NRG1: variants seen among roughly 807,000 people sequenced by gnomAD.
The protein encoded by NRG1 is pro-neuregulin-1, membrane-bound isoform.
In NRG1, 18 loss-of-function variants were observed where a neutral mutation model predicts 63.8. That is an observed-to-expected ratio of 0.28 (90% CI 0.19 to 0.42). NRG1 has a LOEUF of 0.42. NRG1 is among the 10% of genes least tolerant of loss of function. The pLI is 1.00. For synonymous variants in NRG1, 302 were observed against 301.3 expected (o/e 1.00, Z -0.02); for missense variants, 762 against 814.7 (o/e 0.94, Z 0.79).
chr8:32,348,727 G>C (rs1805223287), intron 1 of NRG1, among the ~76,000 whole-genome samples: 1 of 152,132 alleles, frequency 6.6e-6, no homozygotes, highest in South Asian at 2.1e-4. Flanking sequence ...TGTTAATCTA[G>C]ACTAAGACAC....
chr8:31,935,986 G>A (rs577227065), intron 1 of NRG1, among the ~76,000 whole-genome samples: 1 of 152,214 alleles, frequency 6.6e-6, no homozygotes, highest in South Asian at 2.1e-4. Flanking sequence ...ATAGCAGATA[G>A]GAGTAAGTGA....
intron 1 of NRG1, among the ~76,000 whole-genome samples, chr8:32,437,436 G>A (rs1818932706): frequency 6.6e-6 from 1 of 152,134 alleles, no homozygotes; most frequent in South Asian, 2.1e-4. Flanking sequence ...GAAAGGATAG[G>A]TCATGTTTAC....
At chr8:32,094,991 A>C (rs1376510208) in intron 1 of NRG1, among the ~76,000 whole-genome samples, 1 of 149,582 alleles carries the variant, frequency 6.7e-6, no homozygotes, top group African/African-American at 2.5e-5. Context: ...GGCTCACTGC[A>C]ACCTCTGTCT....
intron 1 of NRG1, among the ~76,000 whole-genome samples, chr8:31,870,288 T>C (rs1450436493): frequency 6.6e-6 from 1 of 152,042 alleles, no homozygotes; most frequent in African/African-American, 2.4e-5. Flanking sequence ...TAGAGATGGG[T>C]TAACATAATC....
chr8:31,913,083 G>T (rs1833080119), intron 1 of NRG1, among the ~76,000 whole-genome samples: 1 of 152,050 alleles, frequency 6.6e-6, no homozygotes, highest in Non-Finnish European at 1.5e-5. Context: ...CTCCTCTTTT[G>T]CTAATTGGGC....
chr8:31,998,481 G>A (rs1368101718), intron 1 of NRG1, among the ~76,000 whole-genome samples: 1 of 152,030 alleles, frequency 6.6e-6, no homozygotes, highest in Non-Finnish European at 1.5e-5. Context: ...TTTAATAAAA[G>A]TAGTAACATT....
chr8:32,773,484 G>A (rs1831925684), intron 7 of NRG1, among the ~76,000 whole-genome samples: 1 of 152,144 alleles, frequency 6.6e-6, no homozygotes, highest in Admixed American at 6.6e-5. Context: ...TCTGGTTAGT[G>A]GAGCCACATT....
Position 31,860,384 on chromosome 8 carries a change from G to A in NRG1, c.37+220953G>A, listed in dbSNP as rs560967548. 2.0e-4 allele frequency among the ~76,000 whole-genome samples: 31 copies of A among 152,274 alleles called. No individual in the cohort carries two copies. In the South Asian group the frequency reaches 3.7e-3, roughly 18 times the overall value. On this transcript the variant is annotated intron_variant, in intron 1 of 10. Coordinates refer to the NRG1 transcript ENST00000519301. Reference sequence around the variant, plus strand: ...CAGTTTTGTGCAGCAAAATAGTTCCGTGGAGCAGAATTAGATCATGAAAAT... The same window carrying A: ...CAGTTTTGTGCAGCAAAATAGTTCCATGGAGCAGAATTAGATCATGAAAAT...
intron 1 of NRG1, among the ~76,000 whole-genome samples, chr8:31,686,569 A>C (rs549646669): frequency 6.6e-6 from 1 of 152,228 alleles, no homozygotes; most frequent in South Asian, 2.1e-4. Flanking sequence ...GACACTTTTA[A>C]GTTTTGCTGT....
chr8:32,451,375 C>T (rs975147064), intron 1 of NRG1, among the ~76,000 whole-genome samples: 13 of 152,184 alleles, frequency 8.5e-5, no homozygotes, highest in African/African-American at 3.1e-4. Flanking sequence ...ACTATTGCCT[C>T]CTGGCAAAAC....
chr8:31,886,109 A>C (rs1415538384), intron 1 of NRG1, among the ~76,000 whole-genome samples: 1 of 152,160 alleles, frequency 6.6e-6, no homozygotes, highest in Non-Finnish European at 1.5e-5. Context: ...GATATTAAAA[A>C]TTAATCCCTT....
At chr8:31,927,439 C>CTTT (rs71539998) in intron 1 of NRG1, among the ~76,000 whole-genome samples, 16 of 68,070 alleles carry the variant, frequency 2.4e-4, no homozygotes, top group African/African-American at 9.3e-4. Context: ...GAGAAAACTA[C>CTTT]TTTTTTTTTT....
chr8:32,075,045 G>A (rs1253885565), intron 1 of NRG1, among the ~76,000 whole-genome samples: 2 of 152,204 alleles, frequency 1.3e-5, no homozygotes, highest in African/African-American at 4.8e-5. Flanking sequence ...AATGTTAATA[G>A]CAGCTTACCT....
At chr8:32,152,440 C>G (rs539648796) in intron 1 of NRG1, among the ~76,000 whole-genome samples, 1 of 152,284 alleles carries the variant, frequency 6.6e-6, no homozygotes, top group Non-Finnish European at 1.5e-5. Flanking sequence ...TGGTTTTAGT[C>G]ATCTGTAAGT....
intron 1 of NRG1, among the ~76,000 whole-genome samples, chr8:32,169,687 G>T (rs1468573960): frequency 6.6e-6 from 1 of 152,052 alleles, no homozygotes; most frequent in Non-Finnish European, 1.5e-5. Context: ...TCCAAAGTTG[G>T]AACTAAGAAT....
chr8:32,710,499 T>G (rs1297222897), intron 5 of NRG1, among the ~76,000 whole-genome samples: 1 of 152,202 alleles, frequency 6.6e-6, no homozygotes, highest in Non-Finnish European at 1.5e-5. Flanking sequence ...TGTTTATAAC[T>G]CAGCATATTT....
At chr8:32,307,956 G>T (rs1856403349) in intron 1 of NRG1, among the ~76,000 whole-genome samples, 1 of 152,154 alleles carries the variant, frequency 6.6e-6, no homozygotes, top group African/African-American at 2.4e-5. Context: ...TTCATAGATA[G>T]ATGAGGGTTA....
intron 1 of NRG1, among the ~76,000 whole-genome samples, chr8:32,115,138 C>G (rs558277286): frequency 1.3e-5 from 2 of 151,966 alleles, no homozygotes; most frequent in East Asian, 3.9e-4. Context: ...TAAAGAGATT[C>G]TCCTGCCTCA....
chr8:32,618,001 G>C (rs1847687435), intron 5 of NRG1, among the ~76,000 whole-genome samples: 1 of 152,252 alleles, frequency 6.6e-6, no homozygotes, highest in Admixed American at 6.5e-5. Context: ...GATGGCAATA[G>C]CCTGGTGAGA....
Sources: allele counts gnomAD v4.1 joint callset (sites outside exome capture counted in the v4.1 genomes callset), GRCh38; gene constraint gnomAD v4.1.1; transcripts MANE v1.5; gene names NCBI Gene and HGNC (gene_info 2026-07-23, HGNC 2026-07-21).